Variants in ALOX12B observed in about 807,000 individuals in gnomAD.
ALOX12B encodes arachidonate 12-lipoxygenase, 12R-type.
In ALOX12B, 47 loss-of-function variants were observed where a neutral mutation model predicts 78.9. The observed-to-expected ratio is 0.60, with a 90% CI of 0.47 to 0.76. The LOEUF is 0.76. Ranked by LOEUF, ALOX12B falls within the 30% of genes least tolerant of loss-of-function variation. The probability of loss-of-function intolerance (pLI) is 0.00; values close to 1 mark genes in which losing one functional copy is unlikely to be tolerated. For synonymous variants in ALOX12B, 370 were observed against 374.5 expected (o/e 0.99, Z 0.14); for missense variants, 805 against 922.6 (o/e 0.87, Z 1.65).
At chr17:8,087,209 GACACACAGACACACACAGAC>G (rs557616074) in intron 1 of ALOX12B, 67 bp downstream of exon 1, 25 of 1,520,194 alleles carry the variant, frequency 1.6e-5, no homozygotes, top group Middle Eastern at 1.8e-4. Flanking sequence ...GGGCCACAAA[GACACACAGACACACACAGAC>G]ACACACAGAC....
Position 8,076,668 on chromosome 17 carries a change from GC to G in ALOX12B, c.1350del (p.Leu451SerfsTer16), listed in dbSNP as rs746723399. 6.4e-7 allele frequency: 1 copy of G among 1,551,318 alleles called. No individual in the cohort carries two copies. Among genetic ancestry groups the G allele is most frequent in the Admixed American group, 2.0e-5 (1 of 51,012 alleles). On this transcript the variant is annotated frameshift_variant, in exon 10 of 15. Coordinates refer to ENST00000647874, the MANE Select transcript of ALOX12B (RefSeq NM_001139.3). LOFTEE classifies it high-confidence loss of function. The stretch of plus-strand genomic sequence containing the variant: ...GGCAGAAGTCTTACCTTGGCAGAGA[GC>G]CCCCCCTCATTGAGGAGAACGGCCC... ...IGRAVLLNEGGLSAKGMSLGV... is the reference protein window; with the variant it reads ...IGRAVLLNEGXLSAKGMSLGV...
Position 8,072,962 on chromosome 17 carries a change from GAGCTCGAC to G in ALOX12B, c.1927-20_1927-13del, listed in dbSNP as rs1567980247. 1.9e-6 allele frequency: 3 copies of G among 1,609,056 alleles called. No individual in the cohort carries two copies. Reference sequence around the variant, plus strand: ...TGTCCCAGGGGCCGCTGCGGGCAGAGAGCTCGACAGCTGGGACCAGGGCCGGCCAGCAC... The same window carrying G: ...TGTCCCAGGGGCCGCTGCGGGCAGAGAGCTGGGACCAGGGCCGGCCAGCAC... On this transcript the variant is annotated splice_polypyrimidine_tract_variant and intron_variant, in intron 14 of 14. Coordinates refer to ENST00000647874, the MANE Select transcript of ALOX12B (RefSeq NM_001139.3).
At chr17:8,084,416 C>T (rs1227055791) in intron 2 of ALOX12B, among the ~76,000 whole-genome samples, 1 of 152,182 alleles carries the variant, frequency 6.6e-6, no homozygotes, top group African/African-American at 2.4e-5. Flanking sequence ...GTTTTCATCC[C>T]CAGGGCGGAA....
At chr17:8,075,739 G>T in intron 11 of ALOX12B, 23 bp from the exon 12 acceptor site, 2 of 1,614,152 alleles carry the variant, frequency 1.2e-6, no homozygotes, top group Non-Finnish European at 1.7e-6. Context: ...CAGGGCCTCA[G>T]TTTGGATCCT....
At chr17:8,081,040 C>T (rs1189185165) in intron 3 of ALOX12B, 64 bp from the exon 4 acceptor site, 4 of 1,612,270 alleles carry the variant, frequency 2.5e-6, no homozygotes, top group East Asian at 2.2e-5. Context: ...AGGGCCAGAG[C>T]CATCACTGCC....
At chr17:8,084,501 C>T (rs1271054868) in intron 2 of ALOX12B, among the ~76,000 whole-genome samples, 1 of 152,302 alleles carries the variant, frequency 6.6e-6, no homozygotes, top group Middle Eastern at 3.4e-3. Context: ...CCCACCCAAC[C>T]CCATTCCTGC....
chr17:8,080,705 G>A lies in ALOX12B; in HGVS notation c.603C>T (p.Arg201=). Residue 201 remains arginine (R), a synonymous_variant, in exon 5 of 15, where the codon CGC becomes CGT. Coordinates refer to ENST00000647874, the MANE Select transcript of ALOX12B (RefSeq NM_001139.3). The surrounding 1 kb of genome is among the most constrained non-coding windows in gnomAD (Gnocchi z 4.8). Reference sequence around the variant, plus strand: ...AGGAGGCCGTCTTGAGGAAGGAGTAGCGGAGATTTAAGTTCAGGAACTTGG... The same window carrying A: ...AGGAGGCCGTCTTGAGGAAGGAGTAACGGAGATTTAAGTTCAGGAACTTGG... ...KATKFLNLNL[R]YSFLKTASFF... is the part of the protein sequence containing the mutation. 2 of 1,614,214 alleles carry A rather than the reference G, an allele frequency of 1.2e-6. No individual in the cohort carries two copies. Among genetic ancestry groups the A allele is most frequent in the Non-Finnish European group, 1.7e-6 (2 of 1,180,040 alleles).
intron 14 of ALOX12B, 21 bp downstream of exon 14, chr17:8,073,126 AG>A: frequency 6.2e-7 from 1 of 1,613,866 alleles, no homozygotes; most frequent in Non-Finnish European, 8.5e-7. Context: ...CTGTGCTCAG[AG>A]TCCCCCATCC....
intron 8 of ALOX12B, among the ~76,000 whole-genome samples, chr17:8,078,131 AT>A (rs1015251809): frequency 1.4e-5 from 2 of 146,230 alleles, no homozygotes; most frequent in Non-Finnish European, 3.0e-5. Flanking sequence ...TTATTTATTT[AT>A]TTATTTATTT....
In ALOX12B at chr17:8,076,640, G is replaced by T; in HGVS notation, c.1362+17C>A. ...GGAAAACAAATGTCTCGTTGGGGTT[G>T]GGGGCAGAAGTCTTACCTTGGCAGA... is the stretch of plus-strand genomic sequence containing the variant. On this transcript the variant is annotated intron_variant, in intron 10 of 14. Coordinates refer to ENST00000647874, the MANE Select transcript of ALOX12B (RefSeq NM_001139.3). 1 of 1,548,612 alleles carries T rather than the reference G, an allele frequency of 6.5e-7. No individual in the cohort carries two copies. Among genetic ancestry groups the T allele is most frequent in the African/African-American group, 1.4e-5 (1 of 73,088 alleles).
rs1264455013 is a variant in ALOX12B, at chr17:8,080,320, G to T, written c.669C>A (p.Val223=). Residue 223 remains valine (V), a synonymous_variant, in exon 6 of 15, where the codon GTC becomes GTA. Transcript: ENST00000647874. The surrounding 1 kb of genome is among the most constrained non-coding windows in gnomAD (Gnocchi z 4.8). Reference sequence around the variant, plus strand: ...AATGTTTGCAGTCCAACAGGCCGCGGACTTTGAAAGCCAGTGCCCTAGGAG... The same window carrying T: ...AATGTTTGCAGTCCAACAGGCCGCGTACTTTGAAAGCCAGTGCCCTAGGAG... ...RLGPMALAFK[V]RGLLDCKHSW... is the part of the protein sequence containing the mutation. The T allele has an allele frequency of 1.9e-6, 3 of 1,614,214 alleles. No homozygotes were observed. In the Admixed American group the frequency reaches 5.0e-5, roughly 27 times the overall value.
rs750329819 is a variant in ALOX12B, at chr17:8,072,968, G to A, written c.1927-18C>T. On this transcript the variant is annotated intron_variant, in intron 14 of 14. Coordinates refer to ENST00000647874, the MANE Select transcript of ALOX12B (RefSeq NM_001139.3). ...AGGGGCCGCTGCGGGCAGAGAGCTC[G>A]ACAGCTGGGACCAGGGCCGGCCAGC... 1 of 1,607,978 alleles carries A rather than the reference G, an allele frequency of 6.2e-7. No homozygotes were observed. Among genetic ancestry groups the A allele is most frequent in the South Asian group, 1.1e-5 (1 of 90,640 alleles).
chr17:8,086,488 C>T (rs1598184614), intron 1 of ALOX12B, among the ~76,000 whole-genome samples: 1 of 152,316 alleles, frequency 6.6e-6, no homozygotes, highest in East Asian at 1.9e-4. Flanking sequence ...TCTCCCACTC[C>T]CCTCTCCAGG....
In ALOX12B at chr17:8,080,638, C is replaced by A. The variant is rs1373833621; in HGVS notation, c.650+20G>T. ...GTTCTTGCAGGAGCCCTCGTTCTCC[C>A]GTCACTCACACGGACTCACATGGGC... On this transcript the variant is annotated intron_variant, in intron 5 of 14. Transcript: ENST00000647874. The surrounding 1 kb of genome is among the most constrained non-coding windows in gnomAD (Gnocchi z 4.8). The A allele has an allele frequency of 6.2e-7, 1 of 1,613,962 alleles. No individual in the cohort carries two copies. Among genetic ancestry groups the A allele is most frequent in the South Asian group, 1.1e-5 (1 of 90,972 alleles).
rs1437165787 is a variant in ALOX12B, at chr17:8,079,437, G to A, written c.1030C>T (p.His344Tyr). ...QHHCAPLCLL[H>Y]FGPEGKMMPI... ...ATCATCTTGCCCTCGGGTCCAAAGT[G>A]CAGCAGGCAGAGGGGGGCGCAGTGG... Residue 344 changes from histidine to tyrosine, a missense_variant, in exon 8 of 15, where the codon CAC becomes TAC. Physicochemically the swap from His to Tyr is moderately conservative, Grantham distance 83. Coordinates refer to ENST00000647874, the MANE Select transcript of ALOX12B (RefSeq NM_001139.3). This position sits in a 1 kb window ranked among gnomAD's most constrained non-coding sequence, Gnocchi z 6.4. 3.9e-6 allele frequency: 6 copies of A among 1,551,372 alleles called. No individual in the cohort carries two copies. In the Admixed American group the frequency reaches 1.2e-4, roughly 30 times the overall value.
rs1269636271 is a variant in ALOX12B, at chr17:8,079,932, G to A, written c.764C>T (p.Ala255Val). The A allele has an allele frequency of 3.7e-6, 6 of 1,612,046 alleles. No homozygotes were observed. The East Asian group carries it at 8.9e-5, about 24-fold the overall frequency. The change falls in exon 7 of 15, where the codon GCC becomes GTC. Residue 255 changes from alanine (A) to valine (V), a missense_variant. Physicochemically the swap from Ala to Val is moderately conservative, Grantham distance 64. Coordinates refer to ENST00000647874, the MANE Select transcript of ALOX12B (RefSeq NM_001139.3). This position sits in a 1 kb window ranked among gnomAD's most constrained non-coding sequence, Gnocchi z 6.4. ...GKKSVVSEYV[A>V]EHWAEDTFFG... ...GAAGGTGTCCTCTGCCCAGTGCTCG[G>A]CCACGTACTCTGCGAGGACGGCGCG... is the stretch of plus-strand genomic sequence containing the variant.
intron 12 of ALOX12B, 121 bp downstream of exon 12, chr17:8,075,474 G>C: frequency 6.6e-7 from 1 of 1,510,934 alleles, no homozygotes; most frequent in South Asian, 1.1e-5. Flanking sequence ...CAGCAATTTG[G>C]TCTCCTTCAG....
chr17:8,086,274 G>A lies in ALOX12B; in HGVS notation c.148-54C>T, dbSNP rs1978298052. The A allele has an allele frequency of 2.5e-6, 4 of 1,576,456 alleles. No individual in the cohort carries two copies. In the African/African-American group the frequency reaches 4.2e-5, roughly 17 times the overall value. On this transcript the variant is annotated intron_variant, in intron 1 of 14. Coordinates refer to ENST00000647874, the MANE Select transcript of ALOX12B (RefSeq NM_001139.3). ...GGCAGGACTTCACCCCGGCTCCCAG[G>A]CCGCCCACCCCTCTGGCCCCTCACC...
At chr17:8,084,594 GT>G (rs1309522027) in intron 2 of ALOX12B, among the ~76,000 whole-genome samples, 6 of 152,142 alleles carry the variant, frequency 3.9e-5, no homozygotes, top group African/African-American at 4.8e-5. Flanking sequence ...TGTGTCCCCA[GT>G]GAGACCCTCC....
Sources: allele counts gnomAD v4.1 joint callset (sites outside exome capture counted in the v4.1 genomes callset), GRCh38; gene constraint gnomAD v4.1.1; non-coding constraint Gnocchi (gnomAD v3.1); transcripts MANE v1.5; gene names NCBI Gene and HGNC (gene_info 2026-07-23, HGNC 2026-07-21).